The following FUBP3 variants were observed in gnomAD, a reference collection of about 807,000 sequenced individuals.
FUBP3 encodes the protein far upstream element-binding protein 3.
Under a neutral mutation model 85.6 loss-of-function variants are expected in FUBP3, and 28 were observed. The ratio of observed to expected loss-of-function variants is 0.33; its 90% CI spans 0.24 to 0.45. The LOEUF is 0.45. Among genes scored for constraint, FUBP3 ranks in the 20% least tolerant of loss-of-function variants. The pLI is 1.00. For missense variants in FUBP3, 583 were observed against 755.1 expected (o/e 0.77, Z 2.67); for synonymous variants, 271 against 271.4 (o/e 1.00, Z 0.01).
chr9:130,611,631 G>A (rs548267206), intron 3 of FUBP3, among the ~76,000 whole-genome samples: 58 of 149,084 alleles, frequency 3.9e-4, no homozygotes, highest in African/African-American at 1.4e-3. Flanking sequence ...TGTGAGAGAT[G>A]TTTAAAAATG....
chr9:130,636,782 G>T (rs1830436678), intron 18 of FUBP3, among the ~76,000 whole-genome samples: 1 of 152,222 alleles, frequency 6.6e-6, no homozygotes, highest in South Asian at 2.1e-4. Flanking sequence ...GGCCGTCTGG[G>T]TCTGGTCCTG....
intron 11 of FUBP3, 103 bp from the exon 12 acceptor site, chr9:130,626,261 T>C: frequency 2.5e-6 from 3 of 1,205,256 alleles, no homozygotes; most frequent in Non-Finnish European, 3.5e-6. Context: ...TTCTGATGGG[T>C]GGCATTGATT....
chr9:130,622,973 G>C (rs1829820222), intron 10 of FUBP3, among the ~76,000 whole-genome samples, 163 bp downstream of exon 10: 1 of 152,090 alleles, frequency 6.6e-6, no homozygotes, highest in South Asian at 2.1e-4. Flanking sequence ...ACCAATCTCA[G>C]TTTCTTCTCC....
intron 2 of FUBP3, among the ~76,000 whole-genome samples, chr9:130,603,642 A>G (rs1459273016): frequency 6.6e-6 from 1 of 152,220 alleles, no homozygotes; most frequent in Non-Finnish European, 1.5e-5. Flanking sequence ...TAGGTAAAAT[A>G]GTATTCATTT....
intron 2 of FUBP3, among the ~76,000 whole-genome samples, chr9:130,602,665 A>C (rs1831213350): frequency 6.6e-6 from 1 of 152,190 alleles, no homozygotes; most frequent in South Asian, 2.1e-4. Context: ...AGCCAAGACC[A>C]AAACCTAGTT....
chr9:130,590,067 C>A (rs996422119), intron 1 of FUBP3, among the ~76,000 whole-genome samples: 1 of 133,716 alleles, frequency 7.5e-6, no homozygotes, highest in African/African-American at 2.9e-5. Flanking sequence ...TGACATACCC[C>A]CAAGGAGATC....
chr9:130,628,205 C>T lies in FUBP3; in HGVS notation c.1117+1700C>T, dbSNP rs560679511. Among the ~76,000 whole-genome samples the T allele has an allele frequency of 2.6e-5, 4 of 152,326 alleles. No individual in the cohort carries two copies. In the South Asian group the frequency reaches 8.3e-4, roughly 32 times the overall value. On this transcript the variant is annotated intron_variant, in intron 12 of 18. Transcript: ENST00000319725. ...CTGGGCAAGGGAGAGAGGAGCCCCA[C>T]GCAGCCAGGCCCATCTTTCCTTGGC... is the stretch of plus-strand genomic sequence containing the variant.
At chr9:130,624,356 C>A (rs2119104055) in intron 11 of FUBP3, among the ~76,000 whole-genome samples, 1 of 152,310 alleles carries the variant, frequency 6.6e-6, no homozygotes, top group South Asian at 2.1e-4. Context: ...CTATGTGATC[C>A]CCTAAGAGCC....
At position 130,629,963 on chromosome 9, in the gene FUBP3, G is replaced by A. The variant is rs977141502; in HGVS notation, c.1118-665G>A. Among the ~76,000 whole-genome samples, 7 of 152,292 alleles carry A rather than the reference G, an allele frequency of 4.6e-5. No homozygotes were observed. In the South Asian group the frequency reaches 6.2e-4, roughly 14 times the overall value. ...TTTCATTAAGAGACTGAGACTCTCC[G>A]CAGGTTTTTGAAAGAGACCAACTGA... On this transcript the variant is annotated intron_variant, in intron 12 of 18. Coordinates refer to ENST00000319725, the MANE Select transcript of FUBP3 (RefSeq NM_003934.2).
rs191070044 is a variant in FUBP3 at position 130,623,057 on chromosome 9, G to A, written c.874+247G>A. Among the ~76,000 whole-genome samples, 8 of 151,880 alleles carry A rather than the reference G, an allele frequency of 5.3e-5. No individual in the cohort carries two copies. The East Asian group carries it at 1.5e-3, about 29-fold the overall frequency. On this transcript the variant is annotated intron_variant, in intron 10 of 18. Transcript: ENST00000319725. ...AGGCCTTTTTTCTTTTTTCTTCCTG[G>A]AGTATATGCATAGTATGTCATAAAT...
chr9:130,603,809 A>G (rs1206942702), intron 2 of FUBP3, among the ~76,000 whole-genome samples: 2 of 152,190 alleles, frequency 1.3e-5, no homozygotes, highest in Non-Finnish European at 2.9e-5. Flanking sequence ...CCAGAGTTCA[A>G]CTTGATGGTA....
intron 11 of FUBP3, among the ~76,000 whole-genome samples, chr9:130,624,968 C>G (rs1330218910): frequency 1.3e-5 from 2 of 152,158 alleles, no homozygotes; most frequent in Non-Finnish European, 2.9e-5. Context: ...GCCTGTAATC[C>G]TAGCACTTTG....
intron 12 of FUBP3, among the ~76,000 whole-genome samples, chr9:130,628,251 G>C (rs1429033107): frequency 6.6e-6 from 1 of 152,216 alleles, no homozygotes; most frequent in Non-Finnish European, 1.5e-5. Flanking sequence ...GACAGACACA[G>C]AGCCTCCCTG....
chr9:130,628,106 A>ACGTG (rs1387532592), intron 12 of FUBP3, among the ~76,000 whole-genome samples: 1 of 39,560 alleles, frequency 2.5e-5, no homozygotes, highest in Non-Finnish European at 4.8e-5. Context: ...ACGCACGCGC[A>ACGTG]CACACACACA....
chr9:130,579,696 C>G lies in FUBP3; in HGVS notation c.16C>G (p.Gln6Glu). 7.9e-7 allele frequency: 1 copy of G among 1,261,922 alleles called. No individual in the cohort carries two copies. Among genetic ancestry groups the G allele is most frequent in the Non-Finnish European group, 1.0e-6 (1 of 1,001,086 alleles). The allele number at this position is 1,261,922 out of a possible 1,614,324, so 78.2% of individuals were successfully genotyped here. Residue 6 changes from glutamine (Q) to glutamate (E), a missense_variant, in exon 1 of 19, where the codon CAG (glutamine) becomes GAG (glutamate). Transcript: ENST00000319725. Reference sequence around the variant, plus strand: ...GGGGGCGGTAATGGCGGAGCTGGTGCAGGGGCAGAGCGCTCCTGTGGGGAT... The same window carrying G: ...GGGGGCGGTAATGGCGGAGCTGGTGGAGGGGCAGAGCGCTCCTGTGGGGAT... MAELV[Q>E]GQSAPVGMKA... is the part of the protein sequence containing the mutation.
chr9:130,597,899 T>G (rs1370303555), intron 2 of FUBP3, among the ~76,000 whole-genome samples: 1 of 152,224 alleles, frequency 6.6e-6, no homozygotes, highest in Non-Finnish European at 1.5e-5. Context: ...GATGAGAGAT[T>G]CAGCACGACA....
intron 1 of FUBP3, among the ~76,000 whole-genome samples, chr9:130,580,317 G>A (rs899578058): frequency 2.0e-5 from 3 of 152,184 alleles, no homozygotes; most frequent in Non-Finnish European, 4.4e-5. Flanking sequence ...TGGCAAGCTT[G>A]CCTCTACTGG....
intron 3 of FUBP3, among the ~76,000 whole-genome samples, 190 bp downstream of exon 3, chr9:130,610,177 G>A (rs1831667162): frequency 6.6e-6 from 1 of 152,122 alleles, no homozygotes; most frequent in South Asian, 2.1e-4. Flanking sequence ...CTAATACAAG[G>A]CATTAAAAAT....
At chr9:130,586,402 C>T (rs1830338600) in intron 1 of FUBP3, among the ~76,000 whole-genome samples, 1 of 152,162 alleles carries the variant, frequency 6.6e-6, no homozygotes, top group Admixed American at 6.5e-5. Context: ...TTCTCTCTCT[C>T]TCTTTTTTTT....
Sources: allele counts gnomAD v4.1 joint callset (sites outside exome capture counted in the v4.1 genomes callset), GRCh38; gene constraint gnomAD v4.1.1; transcripts MANE v1.5; gene names NCBI Gene and HGNC (gene_info 2026-07-23, HGNC 2026-07-21).